The following ERBB4 variants were observed in gnomAD, a reference collection of about 807,000 sequenced individuals.
The protein encoded by ERBB4 is erb-b2 receptor tyrosine kinase 4.
Under a neutral mutation model 158.0 loss-of-function variants are expected in ERBB4, and 42 were observed. That is an observed-to-expected ratio of 0.27 (90% CI 0.21 to 0.34). ERBB4 has a LOEUF of 0.34. Ranked by LOEUF, ERBB4 falls within the 10% of genes least tolerant of loss-of-function variation. The probability of loss-of-function intolerance (pLI) is 1.00; values close to 1 mark genes in which losing one functional copy is unlikely to be tolerated. For synonymous variants in ERBB4, 583 were observed against 558.7 expected (o/e 1.04, Z -0.61); for missense variants, 1,333 against 1,624.1 (o/e 0.82, Z 3.08).
intron 25 of ERBB4, among the ~76,000 whole-genome samples, chr2:211,412,858 G>T (rs1009334528): frequency 2.0e-5 from 3 of 151,208 alleles, no homozygotes; most frequent in South Asian, 2.1e-4. Flanking sequence ...GGAGGCTGAG[G>T]CAGGAGAATC....
intron 1 of ERBB4, among the ~76,000 whole-genome samples, chr2:212,137,600 G>C (rs1223274486): frequency 6.6e-6 from 1 of 152,154 alleles, no homozygotes; most frequent in East Asian, 1.9e-4. Context: ...TTGATTCCAT[G>C]TATTTGCTAT....
chr2:212,352,176 G>T (rs1285942265), intron 1 of ERBB4, among the ~76,000 whole-genome samples: 1 of 151,942 alleles, frequency 6.6e-6, no homozygotes, highest in Non-Finnish European at 1.5e-5. Flanking sequence ...GAAAATGGAG[G>T]GTAGGAGGAG....
At chr2:212,307,871 T>C (rs1284981335) in intron 1 of ERBB4, among the ~76,000 whole-genome samples, 1 of 150,998 alleles carries the variant, frequency 6.6e-6, no homozygotes, top group Non-Finnish European at 1.5e-5. Context: ...CAAAGAGTTC[T>C]CTAGGAGCAG....
intron 3 of ERBB4, among the ~76,000 whole-genome samples, chr2:211,805,923 T>C (rs2076602161): frequency 1.3e-5 from 2 of 150,468 alleles, no homozygotes; most frequent in Admixed American, 1.3e-4. Context: ...TGAAGAAGTC[T>C]CCTAGAAAGT....
At chr2:212,412,459 A>G (rs1248266601) in intron 1 of ERBB4, among the ~76,000 whole-genome samples, 5 of 152,168 alleles carry the variant, frequency 3.3e-5, no homozygotes, top group African/African-American at 7.2e-5. Context: ...TGCTCTGGCC[A>G]TATGACGTGC....
rs540453991 is a variant in ERBB4 at position 212,225,110 on chromosome 2, TC to T, written c.83-100208del. Reference sequence around the variant, plus strand: ...TAGAAGTTATATGAAAGTTTTTATGTCCCCTTTTTCCTCCTAGGATTTTAAT... The same window carrying T: ...TAGAAGTTATATGAAAGTTTTTATGTCCCTTTTTCCTCCTAGGATTTTAAT... On this transcript the variant is annotated intron_variant, in intron 1 of 27. Coordinates refer to ENST00000342788, the MANE Select transcript of ERBB4 (RefSeq NM_005235.3). 4.8e-3 allele frequency among the ~76,000 whole-genome samples: 730 copies of T among 152,126 alleles called. 7 individuals are homozygous for T. The highest frequency in any genetic ancestry group is 0.017 in the Middle Eastern group (5 of 292).
intron 1 of ERBB4, among the ~76,000 whole-genome samples, chr2:212,479,894 G>C (rs1421683955): frequency 6.6e-6 from 1 of 152,052 alleles, no homozygotes; most frequent in Non-Finnish European, 1.5e-5. Flanking sequence ...GCTGCCTAAT[G>C]GTAGGTCATG....
intron 1 of ERBB4, among the ~76,000 whole-genome samples, chr2:212,460,601 A>G (rs748260037): frequency 1.5e-4 from 23 of 152,120 alleles, no homozygotes; most frequent in Non-Finnish European, 3.1e-4. Context: ...AACTTGAGAG[A>G]GATGATTTAG....
intron 2 of ERBB4, among the ~76,000 whole-genome samples, chr2:212,027,375 A>AT (rs1042467689): frequency 1.3e-5 from 2 of 152,044 alleles, no homozygotes; most frequent in African/African-American, 2.4e-5. Flanking sequence ...TTGGGTATTT[A>AT]TTTTTTTATT....
At chr2:211,915,493 T>G (rs1161635569) in intron 3 of ERBB4, among the ~76,000 whole-genome samples, 1 of 151,536 alleles carries the variant, frequency 6.6e-6, no homozygotes, top group Non-Finnish European at 1.5e-5. Flanking sequence ...AAGACAACTT[T>G]CTTTCATGAA....
rs750406556 is a variant in ERBB4 at position 211,387,076 on chromosome 2, G to A, written c.3258C>T (p.Ser1086=). 2.5e-6 allele frequency: 4 copies of A among 1,613,900 alleles called. No homozygotes were observed. The South Asian group carries it at 4.4e-5, about 18-fold the overall frequency. The change falls in exon 27 of 28, where the codon AGC becomes AGT. Residue 1086 remains serine, a synonymous_variant. Coordinates refer to ENST00000342788, the MANE Select transcript of ERBB4 (RefSeq NM_005235.3). The part of the protein sequence containing the change: ...GVSVPYRAPT[S]TIPEAPVAQG... ...GTGCCACAGGAGCTTCTGGAATTGT[G>A]CTAGTTGGGGCTCTGTAGGGCACAG... is the stretch of plus-strand genomic sequence containing the variant.
chr2:212,399,974 C>T (rs1013943069), intron 1 of ERBB4, among the ~76,000 whole-genome samples: 12 of 151,796 alleles, frequency 7.9e-5, no homozygotes, highest in Admixed American at 2.6e-4. Flanking sequence ...TCTATGGGGG[C>T]GGAGAAAAAC....
At chr2:211,738,277 C>T (rs2074669535) in intron 5 of ERBB4, among the ~76,000 whole-genome samples, 2 of 150,942 alleles carry the variant, frequency 1.3e-5, no homozygotes. Flanking sequence ...TATAAATGTT[C>T]AATTCTTTTT....
intron 8 of ERBB4, among the ~76,000 whole-genome samples, chr2:211,713,038 T>C (rs77949200): frequency 0.037 from 5,702 of 152,280 alleles, 198 homozygotes; most frequent in African/African-American, 0.088. Context: ...ATGAATTATC[T>C]GATATATTTA....
At chr2:211,816,540 C>CAAAA (rs34323414) in intron 3 of ERBB4, among the ~76,000 whole-genome samples, 69 of 65,858 alleles carry the variant, frequency 1.0e-3, no homozygotes, top group Non-Finnish European at 1.4e-3. Context: ...GAGCCCGTCT[C>CAAAA]AAAAAAAAAA....
chr2:212,048,743 G>T (rs907324993), intron 2 of ERBB4, among the ~76,000 whole-genome samples: 1 of 152,170 alleles, frequency 6.6e-6, no homozygotes, highest in African/African-American at 2.4e-5. Flanking sequence ...GAGTTTCAGG[G>T]TGGTGACAGA....
At chr2:211,532,586 C>T (rs928254610) in intron 20 of ERBB4, among the ~76,000 whole-genome samples, 4 of 151,886 alleles carry the variant, frequency 2.6e-5, no homozygotes, top group African/African-American at 9.7e-5. Flanking sequence ...CATATTATGT[C>T]AACAATGATC....
chr2:212,451,862 T>C (rs17259208), intron 1 of ERBB4, among the ~76,000 whole-genome samples: 33,304 of 152,086 alleles, frequency 0.22, 4,588 homozygotes, highest in Non-Finnish European at 0.3. Flanking sequence ...GCTATTCATA[T>C]CTACAAAGCC....
At chr2:212,391,642 AATATT>A (rs1293934035) in intron 1 of ERBB4, among the ~76,000 whole-genome samples, 3 of 138,954 alleles carry the variant, frequency 2.2e-5, no homozygotes, top group East Asian at 4.0e-4. Context: ...ATTGACATAT[AATATT>A]ATATATTATA....
Sources: gnomAD v4.1 joint callset for allele counts (sites outside exome capture counted in the v4.1 genomes callset) on GRCh38, gnomAD v4.1.1 for gene constraint, MANE v1.5 for transcripts, NCBI Gene and HGNC (gene_info 2026-07-23, HGNC 2026-07-21) for gene names.